The following GALNT13 variants were observed in gnomAD, a reference collection of about 807,000 sequenced individuals.
GALNT13 encodes the protein UDP-GalNAc:polypeptide N-acetylgalactosaminyltransferase 13.
In GALNT13, 28 loss-of-function variants were observed where a neutral mutation model predicts 64.2. The observed-to-expected ratio is 0.44, with a 90% CI of 0.32 to 0.60. The LOEUF is 0.60. Among genes scored for constraint, GALNT13 ranks in the 20% least tolerant of loss-of-function variants. The probability of loss-of-function intolerance (pLI) is 0.05; values close to 1 mark genes in which losing one functional copy is unlikely to be tolerated. For missense variants in GALNT13, 577 were observed against 669.8 expected, an observed-to-expected ratio of 0.86 and a Z score of 1.53; for synonymous variants, 214 against 224.6, an observed-to-expected ratio of 0.95 and a Z score of 0.42.
chr2:153,626,223 A>G, the GALNT13 span, among the ~76,000 whole-genome samples: 1 of 152,132 alleles, frequency 6.6e-6, no homozygotes, highest in African/African-American at 2.4e-5. Context: ...TGGAGTACAC[A>G]TAAGGTGAAA....
chr2:153,312,254 G>T, the GALNT13 span, among the ~76,000 whole-genome samples: 3 of 152,208 alleles, frequency 2.0e-5, no homozygotes. Flanking sequence ...ATTCTGAGAA[G>T]AATGTAGACT....
intron 4 of GALNT13, among the ~76,000 whole-genome samples, chr2:154,234,962 G>A (rs924520498): frequency 6.6e-6 from 1 of 152,160 alleles, no homozygotes; most frequent in Non-Finnish European, 1.5e-5. Context: ...CAAGGCCAGG[G>A]AAGGGGGCCG....
chr2:153,465,002 A>T, the GALNT13 span, among the ~76,000 whole-genome samples: 2 of 152,242 alleles, frequency 1.3e-5, no homozygotes, highest in South Asian at 4.1e-4. Flanking sequence ...TTCTAACAGT[A>T]CTGATTTTGA....
At chr2:154,081,298 C>T (rs1037920545) in intron 3 of GALNT13, among the ~76,000 whole-genome samples, 6 of 151,582 alleles carry the variant, frequency 4.0e-5, no homozygotes, top group Admixed American at 6.6e-5. Context: ...ACATGTGAGC[C>T]ATCTTCTCGA....
chr2:154,352,191 C>T (rs1696449712), intron 9 of GALNT13, among the ~76,000 whole-genome samples: 1 of 152,180 alleles, frequency 6.6e-6, no homozygotes, highest in Admixed American at 6.5e-5. Flanking sequence ...AGTATTGCTG[C>T]ACCTGCCTCA....
intron 9 of GALNT13, among the ~76,000 whole-genome samples, chr2:154,309,247 A>C (rs1355388283): frequency 1.3e-5 from 2 of 152,126 alleles, no homozygotes; most frequent in Non-Finnish European, 2.9e-5. Context: ...CTTCTCGCCC[A>C]CAGTCTTCAA....
At chr2:153,779,931 A>T in the GALNT13 span, among the ~76,000 whole-genome samples, 75 of 152,044 alleles carry the variant, frequency 4.9e-4, 1 homozygote, top group Admixed American at 7.9e-4. Flanking sequence ...CTTCGTTTCC[A>T]TCTAGTTTAA....
At chr2:154,288,972 A>G (rs1030027425) in intron 8 of GALNT13, among the ~76,000 whole-genome samples, 2 of 152,180 alleles carry the variant, frequency 1.3e-5, no homozygotes, top group African/African-American at 2.4e-5. Flanking sequence ...CTTGCACCCC[A>G]CATTTCCCTT....
chr2:153,812,990 A>G, the GALNT13 span, among the ~76,000 whole-genome samples: 4 of 152,190 alleles, frequency 2.6e-5, no homozygotes, highest in African/African-American at 9.6e-5. Context: ...ATGTATAAAA[A>G]TGATCAAAGT....
chr2:153,388,887 G>A, the GALNT13 span, among the ~76,000 whole-genome samples: 1 of 152,064 alleles, frequency 6.6e-6, no homozygotes, highest in Non-Finnish European at 1.5e-5. Flanking sequence ...ATACACTGGG[G>A]TTGATTGATT....
At chr2:154,151,005 C>A (rs1291208721) in intron 4 of GALNT13, among the ~76,000 whole-genome samples, 1 of 152,084 alleles carries the variant, frequency 6.6e-6, no homozygotes, top group Non-Finnish European at 1.5e-5. Context: ...TTTTCTAGTT[C>A]TTTTAATTGT....
chr2:153,840,731 G>C, the GALNT13 span, among the ~76,000 whole-genome samples: 2 of 152,106 alleles, frequency 1.3e-5, no homozygotes, highest in African/African-American at 2.4e-5. Context: ...ATAAAAAATA[G>C]AAAAAGCTAG....
chr2:153,264,384 C>A, the GALNT13 span, among the ~76,000 whole-genome samples: 1 of 152,178 alleles, frequency 6.6e-6, no homozygotes, highest in African/African-American at 2.4e-5. Flanking sequence ...TGTGGCAATT[C>A]CTCAAAGACC....
the GALNT13 span, among the ~76,000 whole-genome samples, chr2:153,322,674 C>T: frequency 1.3e-4 from 19 of 151,988 alleles, no homozygotes; most frequent in Non-Finnish European, 1.2e-4. Flanking sequence ...ACTGACAGGC[C>T]CTAGTTGTGA....
the GALNT13 span, among the ~76,000 whole-genome samples, chr2:153,097,696 A>G: frequency 6.6e-6 from 1 of 152,112 alleles, no homozygotes; most frequent in Admixed American, 6.6e-5. Flanking sequence ...AGTTTATTCT[A>G]TGTTTCACCT....
the GALNT13 span, among the ~76,000 whole-genome samples, chr2:153,304,600 G>A: frequency 1.3e-5 from 2 of 152,096 alleles, no homozygotes; most frequent in South Asian, 2.1e-4. Flanking sequence ...GACTTATGAC[G>A]GAATAACCTA....
chr2:153,608,682 CAT>C, the GALNT13 span, among the ~76,000 whole-genome samples: 23,076 of 146,974 alleles, frequency 0.16, 1,909 homozygotes, highest in African/African-American at 0.19. Flanking sequence ...ATATATGTCT[CAT>C]ATATTTATAA....
the GALNT13 span, among the ~76,000 whole-genome samples, chr2:153,550,589 C>T: frequency 7.2e-5 from 11 of 152,228 alleles, no homozygotes; most frequent in Admixed American, 5.2e-4. Context: ...GCCTTTGTGG[C>T]ATTCTGTAGG....
chr2:153,529,283 A>C, the GALNT13 span, among the ~76,000 whole-genome samples: 1 of 152,218 alleles, frequency 6.6e-6, no homozygotes, highest in Non-Finnish European at 1.5e-5. Context: ...ACTATGAGCA[A>C]CTATATGCCA....
Sources: allele counts gnomAD v4.1 joint callset (sites outside exome capture counted in the v4.1 genomes callset), GRCh38; gene constraint gnomAD v4.1.1; transcripts MANE v1.5; gene names NCBI Gene and HGNC (gene_info 2026-07-23, HGNC 2026-07-21).